The following TMEFF2 variants were observed in gnomAD, a reference collection of about 807,000 sequenced individuals.
TMEFF2 encodes tomoregulin-2.
In TMEFF2, 28 loss-of-function variants were observed where a neutral mutation model predicts 53.8. The observed-to-expected ratio is 0.52, with a 90% CI of 0.39 to 0.71. The LOEUF is 0.71. Ranked by LOEUF, TMEFF2 falls within the 30% of genes least tolerant of loss-of-function variation. The pLI is 0.00. For missense variants in TMEFF2, 353 were observed against 455.2 expected, an observed-to-expected ratio of 0.78 and a Z score of 2.04; for synonymous variants, 162 against 166.3, an observed-to-expected ratio of 0.97 and a Z score of 0.20.
chr2:192,076,032 T>C (rs1211737868), intron 4 of TMEFF2, among the ~76,000 whole-genome samples: 2 of 152,112 alleles, frequency 1.3e-5, no homozygotes, highest in South Asian at 4.2e-4. Flanking sequence ...CTGTGGTCTC[T>C]CTGTGGGCAT....
At chr2:192,075,330 T>C (rs191922098) in intron 4 of TMEFF2, among the ~76,000 whole-genome samples, 2,551 of 100,912 alleles carry the variant, frequency 0.025, 275 homozygotes, top group African/African-American at 0.095. Flanking sequence ...TATATATATA[T>C]ATACATACAT....
intron 4 of TMEFF2, among the ~76,000 whole-genome samples, chr2:192,165,993 T>A (rs554282213): frequency 6.6e-6 from 1 of 152,154 alleles, no homozygotes; most frequent in Admixed American, 6.5e-5. Flanking sequence ...ATTTGCCCAG[T>A]CCTCGGGTGT....
chr2:192,102,898 T>C (rs1247213430), intron 4 of TMEFF2, among the ~76,000 whole-genome samples: 1 of 151,980 alleles, frequency 6.6e-6, no homozygotes, highest in Non-Finnish European at 1.5e-5. Flanking sequence ...GACCATCCTA[T>C]TGAAAATTGC....
chr2:192,077,984 A>C (rs1688472298), intron 4 of TMEFF2, among the ~76,000 whole-genome samples: 1 of 152,162 alleles, frequency 6.6e-6, no homozygotes, highest in Non-Finnish European at 1.5e-5. Context: ...AGTCTGCCAT[A>C]AACAGTGCAC....
rs115868464 is a variant in TMEFF2 at position 192,067,361 on chromosome 2, A to T, written c.440-9586T>A. Among the ~76,000 whole-genome samples, 887 of 151,878 alleles carry T rather than the reference A, an allele frequency of 5.8e-3. 10 individuals are homozygous for T. Among genetic ancestry groups the T allele is most frequent in the African/African-American group, 0.018 (766 of 41,504 alleles). ...AAGAGGGATGGCAGAGTATGTGGGT[A>T]CATATGTAGAGAGGTGGTGCCACTG... On this transcript the variant is annotated intron_variant, in intron 4 of 9. Transcript: ENST00000272771.
chr2:191,962,061 T>G (rs1031109068), intron 7 of TMEFF2, among the ~76,000 whole-genome samples: 5 of 152,202 alleles, frequency 3.3e-5, no homozygotes, highest in African/African-American at 7.2e-5. Context: ...GACCCAGTCA[T>G]AACATTCTTG....
intron 5 of TMEFF2, chr2:192,030,766 G>T (rs1361416126): frequency 6.6e-6 from 1 of 152,182 alleles, no homozygotes; most frequent in Non-Finnish European, 1.5e-5. Flanking sequence ...CAGTAAATGT[G>T]AAAGAACTGT....
intron 7 of TMEFF2, among the ~76,000 whole-genome samples, chr2:191,967,414 A>C (rs1692501364): frequency 6.6e-6 from 1 of 152,136 alleles, no homozygotes; most frequent in Admixed American, 6.5e-5. Flanking sequence ...TTAAGGATAA[A>C]ATAGAATTAT....
At chr2:191,954,099 G>A (rs1325886974) in intron 8 of TMEFF2, among the ~76,000 whole-genome samples, 1 of 151,950 alleles carries the variant, frequency 6.6e-6, no homozygotes, top group Non-Finnish European at 1.5e-5. Flanking sequence ...CTGTTAGCCA[G>A]GATGGTCTCG....
chr2:192,028,056 A>T (rs1687014995), intron 5 of TMEFF2: 1 of 18,050 alleles, frequency 5.5e-5, no homozygotes, highest in African/African-American at 3.1e-4. Context: ...TGATTGAATT[A>T]TGGGGGGGGG....
intron 7 of TMEFF2, among the ~76,000 whole-genome samples, chr2:191,985,279 G>A (rs1186983094): frequency 1.3e-5 from 2 of 152,060 alleles, no homozygotes; most frequent in African/African-American, 4.8e-5. Context: ...TAGGAGCTAG[G>A]TATAGAATTT....
intron 4 of TMEFF2, among the ~76,000 whole-genome samples, chr2:192,059,234 G>T (rs757431342): frequency 6.7e-6 from 1 of 149,898 alleles, no homozygotes; most frequent in Non-Finnish European, 1.5e-5. Flanking sequence ...AATTGCAAAA[G>T]TATTGATGGT....
chr2:192,137,052 G>A (rs990308178), intron 4 of TMEFF2, among the ~76,000 whole-genome samples: 1 of 152,204 alleles, frequency 6.6e-6, no homozygotes, highest in Admixed American at 6.5e-5. Flanking sequence ...AACAGATACC[G>A]TTAAGGATAA....
intron 9 of TMEFF2, among the ~76,000 whole-genome samples, chr2:191,951,491 A>C (rs1691881306): frequency 6.6e-6 from 1 of 152,282 alleles, no homozygotes; most frequent in East Asian, 1.9e-4. Flanking sequence ...AGAAGACAGG[A>C]GAGACCAGAT....
intron 4 of TMEFF2, among the ~76,000 whole-genome samples, chr2:192,164,051 C>T (rs1690694792): frequency 6.6e-6 from 1 of 152,144 alleles, no homozygotes; most frequent in African/African-American, 2.4e-5. Flanking sequence ...TTTCTTTGCA[C>T]CTACTCTTGC....
intron 4 of TMEFF2, among the ~76,000 whole-genome samples, chr2:192,143,795 G>A (rs1690190727): frequency 1.3e-5 from 2 of 151,938 alleles, no homozygotes; most frequent in African/African-American, 4.8e-5. Flanking sequence ...TTTACCAAGT[G>A]GTTTATTTGA....
chr2:192,138,239 T>C (rs1057402281), intron 4 of TMEFF2, among the ~76,000 whole-genome samples: 7 of 152,332 alleles, frequency 4.6e-5, no homozygotes, highest in African/African-American at 1.7e-4. Context: ...AAAAGAAGCA[T>C]GTCCATAGAA....
At chr2:192,092,685 G>C (rs1375367703) in intron 4 of TMEFF2, among the ~76,000 whole-genome samples, 6 of 152,070 alleles carry the variant, frequency 3.9e-5, no homozygotes, top group African/African-American at 1.4e-4. Flanking sequence ...TTGAGTATCT[G>C]GTTGGGCTCA....
At chr2:192,036,985 T>A (rs1687309605) in intron 5 of TMEFF2, 1 of 152,172 alleles carries the variant, frequency 6.6e-6, no homozygotes, top group Admixed American at 6.5e-5. Context: ...CTTTATTGTC[T>A]ATTCCATCTC....
Sources: gnomAD v4.1 joint callset for allele counts (sites outside exome capture counted in the v4.1 genomes callset) on GRCh38, gnomAD v4.1.1 for gene constraint, MANE v1.5 for transcripts, NCBI Gene and HGNC (gene_info 2026-07-23, HGNC 2026-07-21) for gene names.